CNTN5: variants seen among roughly 807,000 people sequenced by gnomAD.
The protein encoded by CNTN5 is contactin-5.
In CNTN5, 77 loss-of-function variants were observed where a neutral mutation model predicts 129.1. That is an observed-to-expected ratio of 0.60 (90% CI 0.50 to 0.72). The LOEUF (loss-of-function observed/expected upper bound fraction) is 0.72, where lower values mean the gene tolerates loss of function less well. CNTN5 is among the 30% of genes least tolerant of loss of function. CNTN5 has a pLI of 0.00. For missense variants in CNTN5, 1,478 were observed against 1,328.8 expected, an observed-to-expected ratio of 1.11 and a Z score of -1.75; for synonymous variants, 509 against 465.6, an observed-to-expected ratio of 1.09 and a Z score of -1.20.
At chr11:99,160,127 A>T (rs1310302352) in intron 1 of CNTN5, among the ~76,000 whole-genome samples, 5 of 152,206 alleles carry the variant, frequency 3.3e-5, no homozygotes, top group Non-Finnish European at 5.9e-5. Context: ...TCTGACGTTG[A>T]GACTAAAATA....
At chr11:99,268,089 T>G (rs914042067) in intron 1 of CNTN5, among the ~76,000 whole-genome samples, 1 of 152,030 alleles carries the variant, frequency 6.6e-6, no homozygotes, top group African/African-American at 2.4e-5. Context: ...TGCTGTTTGC[T>G]AGCTATTTGG....
At chr11:99,822,073 TAG>T (rs1946818688) in intron 4 of CNTN5, among the ~76,000 whole-genome samples, 1 of 152,108 alleles carries the variant, frequency 6.6e-6, no homozygotes, top group South Asian at 2.1e-4. Flanking sequence ...TTAGCCTTAA[TAG>T]AGAGTAAAGC....
At chr11:100,124,164 G>T (rs1294295684) in intron 13 of CNTN5, among the ~76,000 whole-genome samples, 1 of 152,024 alleles carries the variant, frequency 6.6e-6, no homozygotes, top group East Asian at 1.9e-4. Context: ...AGAAACTGAG[G>T]CTCAGAATTG....
intron 3 of CNTN5, among the ~76,000 whole-genome samples, chr11:99,681,106 C>T (rs748717097): frequency 2.2e-4 from 33 of 151,960 alleles, no homozygotes; most frequent in African/African-American, 5.8e-4. Flanking sequence ...AAAACTTGAA[C>T]GGATGAAGAG....
chr11:99,907,916 T>G (rs947095764), intron 6 of CNTN5, among the ~76,000 whole-genome samples: 1 of 152,062 alleles, frequency 6.6e-6, no homozygotes. Flanking sequence ...TAATGGGTAT[T>G]AGGAAAATTC....
At chr11:99,781,965 A>G (rs895659313) in intron 3 of CNTN5, among the ~76,000 whole-genome samples, 1 of 151,868 alleles carries the variant, frequency 6.6e-6, no homozygotes, top group Non-Finnish European at 1.5e-5. Flanking sequence ...TAGTGTTGGA[A>G]GTTCTGGCCA....
chr11:99,635,074 T>A (rs370543523), intron 3 of CNTN5, among the ~76,000 whole-genome samples: 13 of 152,316 alleles, frequency 8.5e-5, no homozygotes, highest in South Asian at 4.1e-4. Context: ...TGGACAGAAG[T>A]GGAAATGGTG....
chr11:99,816,758 C>T (rs1056503797), intron 3 of CNTN5, among the ~76,000 whole-genome samples: 11 of 152,162 alleles, frequency 7.2e-5, no homozygotes, highest in Admixed American at 3.9e-4. Context: ...ACATGCTAGA[C>T]GTTTCATCAT....
intron 7 of CNTN5, among the ~76,000 whole-genome samples, chr11:99,923,757 GTCTATCTATCTATCTA>G (rs11271049): frequency 5.5e-4 from 77 of 140,700 alleles, no homozygotes; most frequent in Middle Eastern, 3.5e-3. Flanking sequence ...CTATCTGTCT[GTCTATCTATCTATCTA>G]TCTATCTATC....
chr11:100,317,719 T>G (rs188041906), intron 21 of CNTN5, among the ~76,000 whole-genome samples: 5 of 152,356 alleles, frequency 3.3e-5, no homozygotes, highest in Admixed American at 1.3e-4. Context: ...AACACAACTC[T>G]ATAATTTTTA....
At chr11:99,222,540 G>A (rs1312352564) in intron 1 of CNTN5, among the ~76,000 whole-genome samples, 2 of 151,760 alleles carry the variant, frequency 1.3e-5, no homozygotes, top group African/African-American at 4.8e-5. Flanking sequence ...ATTTTCAAAA[G>A]GTAAATAAAA....
At chr11:99,759,250 C>A (rs898816798) in intron 3 of CNTN5, among the ~76,000 whole-genome samples, 1 of 151,880 alleles carries the variant, frequency 6.6e-6, no homozygotes, top group South Asian at 2.1e-4. Flanking sequence ...TATGGCCGAG[C>A]ATAAGTCCTG....
intron 2 of CNTN5, among the ~76,000 whole-genome samples, chr11:99,439,614 A>C (rs1283519244): frequency 6.7e-6 from 1 of 148,598 alleles, no homozygotes; most frequent in Admixed American, 6.8e-5. Flanking sequence ...AGGCTGAGGC[A>C]GGAGAATCGC....
intron 1 of CNTN5, among the ~76,000 whole-genome samples, chr11:99,064,600 A>G (rs1425486922): frequency 6.6e-6 from 1 of 152,134 alleles, no homozygotes; most frequent in Non-Finnish European, 1.5e-5. Flanking sequence ...TTTATTTACC[A>G]TCTGAATCAT....
At chr11:99,044,412 C>CGCCCAT (rs1462484912) in intron 1 of CNTN5, among the ~76,000 whole-genome samples, 1 of 152,046 alleles carries the variant, frequency 6.6e-6, no homozygotes, top group Non-Finnish European at 1.5e-5. Context: ...ATCTGCAGCC[C>CGCCCAT]GCCCATCTTA....
chr11:99,862,784 A>C (rs1319931599), intron 6 of CNTN5, among the ~76,000 whole-genome samples: 5 of 152,160 alleles, frequency 3.3e-5, no homozygotes. Flanking sequence ...TAATTCTTGC[A>C]TAAATATAAT....
intron 3 of CNTN5, among the ~76,000 whole-genome samples, chr11:99,692,988 G>A (rs117148067): frequency 0.011 from 1,671 of 152,214 alleles, 20 homozygotes; most frequent in Non-Finnish European, 0.019. Context: ...GTGATTGGGC[G>A]TGGAAGAATG....
Position 99,654,858 on chromosome 11 carries a change from C to A in CNTN5, c.55+98589C>A, listed in dbSNP as rs533428470. Reference sequence around the variant, plus strand: ...TAATAGATTTGTTGCCTGATGTACACAGCAAGTCAGTGTGTTGAGAAACTA... The same window carrying A: ...TAATAGATTTGTTGCCTGATGTACAAAGCAAGTCAGTGTGTTGAGAAACTA... On this transcript the variant is annotated intron_variant, in intron 3 of 24. Transcript: ENST00000524871. Among the ~76,000 whole-genome samples the A allele has an allele frequency of 5.6e-4, 85 of 151,292 alleles. 1 individual carries two copies. Among genetic ancestry groups the A allele is most frequent in the Non-Finnish European group, 9.7e-4 (66 of 67,786 alleles).
Position 99,332,820 on chromosome 11 carries a change from T to C in CNTN5, c.-71+7336T>C, listed in dbSNP as rs912732830. Among the ~76,000 whole-genome samples, 9 of 152,054 alleles carry C rather than the reference T, an allele frequency of 5.9e-5. No homozygotes were observed. In the South Asian group the frequency reaches 8.3e-4, roughly 14 times the overall value. On this transcript the variant is annotated intron_variant, in intron 2 of 24. Coordinates refer to ENST00000524871, the MANE Select transcript of CNTN5 (RefSeq NM_014361.4). ...GTATCCAAGATCACACTGTAAATGG[T>C]TTCCAAGTGTCAGTATTTACCTTAC...
Sources: gnomAD v4.1 joint callset for allele counts (sites outside exome capture counted in the v4.1 genomes callset) on GRCh38, gnomAD v4.1.1 for gene constraint, MANE v1.5 for transcripts, NCBI Gene and HGNC (gene_info 2026-07-23, HGNC 2026-07-21) for gene names.